The following ANKRD24 variants were observed in gnomAD, a reference collection of about 807,000 sequenced individuals.
The protein encoded by ANKRD24 is ankyrin repeat domain 24.
Under a neutral mutation model 127.8 loss-of-function variants are expected in ANKRD24, and 109 were observed. The observed-to-expected ratio is 0.85, with a 90% CI of 0.73 to 1.00. The LOEUF is 1.00. ANKRD24 is among the 50% of genes least tolerant of loss of function. The pLI is 0.00. For synonymous variants in ANKRD24, 743 were observed against 671.1 expected (o/e 1.11, Z -1.66); for missense variants, 1,648 against 1,570.2 (o/e 1.05, Z -0.84).
intron 2 of ANKRD24, among the ~76,000 whole-genome samples, chr19:4,196,667 G>A (rs1172161400): frequency 2.0e-5 from 3 of 152,174 alleles, no homozygotes; most frequent in South Asian, 2.1e-4. Context: ...GAGCCACCGC[G>A]CCTGGCCTCC....
Position 4,199,151 on chromosome 19 carries a change from G to A in ANKRD24, c.37-532G>A, listed in dbSNP as rs1355111302. Among the ~76,000 whole-genome samples the A allele has an allele frequency of 1.3e-5, 2 of 152,126 alleles. No homozygotes were observed. The highest frequency in any genetic ancestry group is 3.9e-4 in the East Asian group (2 of 5,186). ...TTTAAAGGGGACTTTTAGGGGTTCA[G>A]ATGGGACTTTGGAGGGTAGTTTGGA... On this transcript the variant is annotated intron_variant, in intron 2 of 21. Transcript: ENST00000318934. The surrounding 1 kb of genome is among the most constrained non-coding windows in gnomAD (Gnocchi z 5.2).
intron 1 of ANKRD24, among the ~76,000 whole-genome samples, chr19:4,184,844 ATGGATGGATGGG>A (rs1360328848): frequency 6.7e-6 from 1 of 148,480 alleles, no homozygotes; most frequent in African/African-American, 2.5e-5. Flanking sequence ...GGGTAGATGT[ATGGATGGATGGG>A]TGGATGGATG....
At chr19:4,223,389 ATATATATATATATTTTT>A (rs1373358381) in intron 20 of ANKRD24, among the ~76,000 whole-genome samples, 10 of 82,494 alleles carry the variant, frequency 1.2e-4, no homozygotes, top group African/African-American at 6.7e-4. Context: ...ATATATATAT[ATATATATATATATTTTT>A]TTTTTTTTTT....
Position 4,217,602 on chromosome 19 carries a change from C to G in ANKRD24, c.2442C>G (p.Cys814Trp). Residue 814 changes from cysteine to tryptophan, a missense_variant, in exon 18 of 22, where the codon TGC becomes TGG. Transcript: ENST00000318934. ...RLRELEAASA[C>W]LDEARASRLL... ...GGGAGCTGGAGGCGGCCTCGGCCTGCCTGGATGAGGCTCGGGCCAGCCGGC... is the reference window on the plus strand; with the variant it reads ...GGGAGCTGGAGGCGGCCTCGGCCTGGCTGGATGAGGCTCGGGCCAGCCGGC... 1 of 1,300,240 alleles carries G rather than the reference C, an allele frequency of 7.7e-7. No homozygotes were observed. The highest frequency in any genetic ancestry group is 9.7e-7 in the Non-Finnish European group (1 of 1,028,514). 80.5% of individuals were successfully genotyped at this position (1,300,240 alleles called of 1,614,324 possible). A position where few individuals can be genotyped will look rare whatever the true frequency, so the allele number is the denominator to read the frequency against.
At chr19:4,186,639 C>G (rs1447342624) in intron 2 of ANKRD24, among the ~76,000 whole-genome samples, 178 bp downstream of exon 2, 1 of 152,108 alleles carries the variant, frequency 6.6e-6, no homozygotes, top group Non-Finnish European at 1.5e-5. Flanking sequence ...CAGCCCAGGC[C>G]TTTACCCAGG....
chr19:4,203,051 TC>T, intron 7 of ANKRD24, 125 bp downstream of exon 7: 3 of 806,528 alleles, frequency 3.7e-6, no homozygotes, highest in South Asian at 2.1e-5. Context: ...TTTCTTTCTT[TC>T]TTTTTTTTTT....
At position 4,218,055 on chromosome 19, in the gene ANKRD24, G is replaced by C; in HGVS notation, c.2895G>C (p.Ser965=). Reference sequence around the variant, plus strand: ...AGCGTGTGTGCAGCGTGGCGCTCTCGGAGCACGAACGCATCGTGGGCACCC... The same window carrying C: ...AGCGTGTGTGCAGCGTGGCGCTCTCCGAGCACGAACGCATCGTGGGCACCC... ...ERERVCSVAL[S]EHERIVGTLQ... Residue 965 remains serine (S), a synonymous_variant, in exon 18 of 22, where the codon TCG becomes TCC. Transcript: ENST00000318934. 1 of 1,560,224 alleles carries C rather than the reference G, an allele frequency of 6.4e-7. No homozygotes were observed. Among genetic ancestry groups the C allele is most frequent in the Non-Finnish European group, 8.6e-7 (1 of 1,157,218 alleles).
Position 4,216,404 on chromosome 19 carries a change from T to C in ANKRD24, c.1389+2T>C. The C allele has an allele frequency of 6.4e-7, 1 of 1,563,854 alleles. No homozygotes were observed. The highest frequency in any genetic ancestry group is 2.4e-5 in the East Asian group (1 of 41,860). ...CAGGAACTGATGGAGAAGGTCCAGG[T>C]AGGGAAAGTGAGGCTGGGGACAGAT... On this transcript the variant is annotated splice_donor_variant, in intron 17 of 21. Coordinates refer to ENST00000318934, the MANE Select transcript of ANKRD24 (RefSeq NM_001393985.1). LOFTEE classifies it high-confidence loss of function.
At chr19:4,207,721 A>C in intron 9 of ANKRD24, 60 bp from the exon 10 acceptor site, 4 of 1,583,786 alleles carry the variant, frequency 2.5e-6, no homozygotes, top group Middle Eastern at 1.8e-4. Context: ...CTGGGTGCTG[A>C]GGTGGGCATG....
At position 4,182,965 on chromosome 19, in the gene ANKRD24, T is replaced by TTGTG. The variant is rs57280997; in HGVS notation, c.-37+256_-37+259dup. ...ACGCAGAGTTACCTGAATATCTCAT[T>TTGTG]TGTGTGTGTGTGTGTGTGTGTGTGT... is the stretch of plus-strand genomic sequence containing the variant. On this transcript the variant is annotated intron_variant, in intron 1 of 21. Coordinates refer to ENST00000318934, the MANE Select transcript of ANKRD24 (RefSeq NM_001393985.1). Among the ~76,000 whole-genome samples, 786 of 138,668 alleles carry TTGTG rather than the reference T, an allele frequency of 5.7e-3. 12 individuals are homozygous for TTGTG. Among genetic ancestry groups the TTGTG allele is most frequent in the South Asian group, 0.043 (181 of 4,206 alleles). The allele number at this position is 138,668 out of a possible 152,430, so 91.0% of individuals were successfully genotyped here.
Position 4,224,460 on chromosome 19 carries a change from C to T in ANKRD24, c.3396C>T (p.Leu1132=). Residue 1132 remains leucine, a synonymous_variant, in exon 22 of 22, where the codon CTC becomes CTT. Transcript: ENST00000318934. The part of the protein sequence containing the change: ...GQMDEDVQRI[L]SQILQMQRLQ... The stretch of plus-strand genomic sequence containing the variant: ...TGGATGAAGATGTGCAGCGGATTCT[C>T]AGCCAGATTCTGCAGATGCAGAGAC... 2 of 1,613,136 alleles carry T rather than the reference C, an allele frequency of 1.2e-6. No individual in the cohort carries two copies. The highest frequency in any genetic ancestry group is 1.7e-6 in the Non-Finnish European group (2 of 1,179,636).
At chr19:4,184,470 A>C (rs1239733200) in intron 1 of ANKRD24, among the ~76,000 whole-genome samples, 1 of 152,190 alleles carries the variant, frequency 6.6e-6, no homozygotes, top group Non-Finnish European at 1.5e-5. Flanking sequence ...TCACCCACGC[A>C]CTTCCCACTT....
rs1193197500 is a variant in ANKRD24, at chr19:4,217,937, C to T, written c.2777C>T (p.Ala926Val). The change falls in exon 18 of 22, where the codon GCC becomes GTC. Residue 926 changes from alanine to valine, a missense_variant. Transcript: ENST00000318934. Reference protein sequence around the residue: ...ASEHRRLQEEALELRGRAASL... With the variant: ...ASEHRRLQEEVLELRGRAASL... ...GAGCACCGCCGGCTGCAGGAGGAGG[C>T]CCTGGAGCTGCGGGGCCGGGCAGCC... 24 of 1,503,010 alleles carry T rather than the reference C, an allele frequency of 1.6e-5. No homozygotes were observed. Among genetic ancestry groups the T allele is most frequent in the Non-Finnish European group, 2.1e-5 (24 of 1,133,450 alleles). 93.1% of individuals were successfully genotyped at this position (1,503,010 alleles called of 1,614,324 possible).
intron 10 of ANKRD24, 81 bp from the exon 11 acceptor site, chr19:4,208,683 C>T: frequency 1.4e-6 from 2 of 1,394,806 alleles, no homozygotes; most frequent in Non-Finnish European, 2.0e-6. Flanking sequence ...ATCGGGAGCC[C>T]CCTACAAGTC....
Position 4,224,720 on chromosome 19 carries a change from C to A in ANKRD24, c.*215C>A. ...CACACTGGTCAGTCTGGACCCGGGC[C>A]GTGACTGCCCCTCCCCCACCACCGG... On this transcript the variant is annotated 3_prime_UTR_variant, in exon 22 of 22. Transcript: ENST00000318934. 1.7e-6 allele frequency: 1 copy of A among 576,592 alleles called. No homozygotes were observed. The highest frequency in any genetic ancestry group is 3.1e-6 in the Non-Finnish European group (1 of 322,506). The allele number at this position is 576,592 out of a possible 1,614,324, so 35.7% of individuals were successfully genotyped here. A position where few individuals can be genotyped will look rare whatever the true frequency, so the allele number is the denominator to read the frequency against.
chr19:4,193,316 GAC>G (rs1968493503), intron 2 of ANKRD24, among the ~76,000 whole-genome samples: 1 of 94,578 alleles, frequency 1.1e-5, no homozygotes, highest in African/African-American at 4.2e-5. Flanking sequence ...AAAAAAAAAA[GAC>G]AACAATGAAG....
intron 21 of ANKRD24, 78 bp downstream of exon 21, chr19:4,224,270 G>C (rs1970619549): frequency 6.8e-7 from 1 of 1,465,588 alleles, no homozygotes; most frequent in Non-Finnish European, 9.4e-7. Context: ...TTCCCCTTCT[G>C]TACAGTGGGA....
Position 4,217,769 on chromosome 19 carries a change from C to T in ANKRD24, c.2609C>T (p.Ala870Val). Reference sequence around the variant, plus strand: ...GCCACGGGGGAGCAGCAGCGCACGGCGGCCGCGGAACTGGGCCGGGCACGG... The same window carrying T: ...GCCACGGGGGAGCAGCAGCGCACGGTGGCCGCGGAACTGGGCCGGGCACGG... ...ARATGEQQRTAAAELGRARDA... is the reference protein window; with the variant it reads ...ARATGEQQRTVAAELGRARDA... Residue 870 changes from alanine (A) to valine (V), a missense_variant, in exon 18 of 22, where the codon GCG becomes GTG. Coordinates refer to ENST00000318934, the MANE Select transcript of ANKRD24 (RefSeq NM_001393985.1). The T allele has an allele frequency of 1.5e-6, 2 of 1,303,358 alleles. No homozygotes were observed. The highest frequency in any genetic ancestry group is 2.0e-5 in the South Asian group (1 of 50,004). 80.7% of individuals were successfully genotyped at this position (1,303,358 alleles called of 1,614,324 possible).
At chr19:4,210,867 CTT>C (rs1469169023) in intron 13 of ANKRD24, among the ~76,000 whole-genome samples, 1 of 148,988 alleles carries the variant, frequency 6.7e-6, no homozygotes, top group African/African-American at 2.5e-5. Context: ...GAGTCTCGCT[CTT>C]GTTGCCCAGG....
Sources: gnomAD v4.1 joint callset for allele counts (sites outside exome capture counted in the v4.1 genomes callset) on GRCh38, gnomAD v4.1.1 for gene constraint, Gnocchi (gnomAD v3.1) non-coding constraint, MANE v1.5 for transcripts, NCBI Gene and HGNC (gene_info 2026-07-23, HGNC 2026-07-21) for gene names.